Variants in SPAG9 observed in about 807,000 individuals in gnomAD.
SPAG9 encodes sperm associated antigen 9.
A neutral mutation model predicts 166.5 loss-of-function variants in SPAG9; 35 were observed. That is an observed-to-expected ratio of 0.21 (90% CI 0.16 to 0.28). SPAG9 has a LOEUF of 0.28. Ranked by LOEUF, SPAG9 falls within the 10% of genes least tolerant of loss-of-function variation. The pLI, the probability that SPAG9 is intolerant of heterozygous loss-of-function variation, is 1.00. For synonymous variants in SPAG9, 534 were observed against 565.5 expected (o/e 0.94, Z 0.79); for missense variants, 1,235 against 1,603.3 (o/e 0.77, Z 3.92).
chr17:51,085,117 G>C (rs1331728025), intron 1 of SPAG9, among the ~76,000 whole-genome samples: 6 of 151,950 alleles, frequency 3.9e-5, no homozygotes, highest in Non-Finnish European at 8.8e-5. Flanking sequence ...GGCCGAGCTG[G>C]GATTACAGGC....
At chr17:50,979,018 G>A (rs2143685263) in intron 26 of SPAG9, among the ~76,000 whole-genome samples, 1 of 152,216 alleles carries the variant, frequency 6.6e-6, no homozygotes, top group East Asian at 1.9e-4. Flanking sequence ...AGTTCCCAGT[G>A]ACAGATTAGA....
chr17:51,098,528 T>C (rs561328823), intron 1 of SPAG9, among the ~76,000 whole-genome samples: 9 of 152,210 alleles, frequency 5.9e-5, no homozygotes, highest in Middle Eastern at 3.4e-3. Context: ...GTTTCGCTCT[T>C]GTTGCCCAGG....
At chr17:50,974,742 G>A (rs1974095937) in intron 28 of SPAG9, 29 bp downstream of exon 28, 1 of 1,556,094 alleles carries the variant, frequency 6.4e-7, no homozygotes, top group South Asian at 1.2e-5. Context: ...CAATTACATG[G>A]AACATCTCAA....
chr17:51,039,271 C>G (rs1366246210), intron 5 of SPAG9, among the ~76,000 whole-genome samples: 1 of 152,170 alleles, frequency 6.6e-6, no homozygotes, highest in East Asian at 1.9e-4. Flanking sequence ...TAGTCCAATT[C>G]CTGTTATACA....
Position 51,120,346 on chromosome 17 carries a change from G to T in SPAG9, c.303+8C>A. The T allele has an allele frequency of 1.3e-6, 2 of 1,553,254 alleles. No individual in the cohort carries two copies. Among genetic ancestry groups the T allele is most frequent in the South Asian group, 1.2e-5 (1 of 86,514 alleles). The stretch of plus-strand genomic sequence containing the variant: ...ATCCCGCGGCCCCCGCCCTGCCGCC[G>T]GCCTCACCTCCTCAGCGTGCTTGCG... On this transcript the variant is annotated splice_region_variant and intron_variant, in intron 1 of 29. Coordinates refer to ENST00000262013, the MANE Select transcript of SPAG9 (RefSeq NM_001130528.3). The surrounding 1 kb of genome is among the most constrained non-coding windows in gnomAD (Gnocchi z 4.7).
intron 21 of SPAG9, among the ~76,000 whole-genome samples, chr17:50,988,163 C>G (rs1820916211): frequency 6.6e-6 from 1 of 152,066 alleles, no homozygotes; most frequent in African/African-American, 2.4e-5. Flanking sequence ...TTGCAGTGAG[C>G]TGAGATTGCA....
At chr17:51,024,358 C>T (rs1045141215) in intron 6 of SPAG9, among the ~76,000 whole-genome samples, 5 of 152,116 alleles carry the variant, frequency 3.3e-5, no homozygotes, top group African/African-American at 1.2e-4. Context: ...GTATATTGTA[C>T]ATATTAATTA....
intron 20 of SPAG9, 37 bp downstream of exon 20, chr17:50,990,413 A>T: frequency 7.0e-7 from 1 of 1,426,508 alleles, no homozygotes; most frequent in Non-Finnish European, 9.9e-7. Context: ...GTAGCCTTAG[A>T]CTCTATACAG....
intron 3 of SPAG9, among the ~76,000 whole-genome samples, chr17:51,052,517 G>A (rs997540847): frequency 1.3e-5 from 2 of 152,034 alleles, no homozygotes; most frequent in African/African-American, 4.8e-5. Flanking sequence ...GCTTTTGGGC[G>A]GCGTGGGAAA....
At chr17:51,099,514 CAA>C (rs1304789375) in intron 1 of SPAG9, among the ~76,000 whole-genome samples, 1 of 150,754 alleles carries the variant, frequency 6.6e-6, no homozygotes, top group Non-Finnish European at 1.5e-5. Context: ...TCTCAGCATG[CAA>C]AAAGTTTCAG....
chr17:50,978,332 G>A (rs973612205), intron 26 of SPAG9, among the ~76,000 whole-genome samples: 2 of 152,126 alleles, frequency 1.3e-5, no homozygotes, highest in Non-Finnish European at 2.9e-5. Flanking sequence ...GTTTGCATGT[G>A]TATATATTCT....
At position 51,096,151 on chromosome 17, in the gene SPAG9, G is replaced by A. The variant is rs531995246; in HGVS notation, c.304-16447C>T. Among the ~76,000 whole-genome samples the A allele has an allele frequency of 4.9e-3, 741 of 150,428 alleles. 7 individuals are homozygous for A. The highest frequency in any genetic ancestry group is 7.1e-3 in the Non-Finnish European group (478 of 67,688). On this transcript the variant is annotated intron_variant, in intron 1 of 29. Coordinates refer to ENST00000262013, the MANE Select transcript of SPAG9 (RefSeq NM_001130528.3). ...ATTTGAGGTTAGGAGTTCGAGACCGGCCTTGTCAACATGGTAAAACCCTGA... is the reference window on the plus strand; with the variant it reads ...ATTTGAGGTTAGGAGTTCGAGACCGACCTTGTCAACATGGTAAAACCCTGA...
chr17:51,009,027 T>C (rs1597979811), intron 9 of SPAG9: 1 of 365,726 alleles, frequency 2.7e-6, no homozygotes, highest in Non-Finnish European at 5.3e-6. Context: ...GGCAAAAAAA[T>C]AGTTGAGCAG....
rs535879037 is a variant in SPAG9, at chr17:50,977,061, A to G, written c.3523+47T>C. ...TGAATTTCAGACATAACTATTTCCT[A>G]TAATTCTCCTATTTGTTCCATGGCA... On this transcript the variant is annotated intron_variant, in intron 27 of 29. Transcript: ENST00000262013. The G allele has an allele frequency of 3.4e-6, 4 of 1,174,518 alleles. No homozygotes were observed. The African/African-American group carries it at 4.6e-5, about 13-fold the overall frequency. The allele number at this position is 1,174,518 out of a possible 1,614,324, so 72.8% of individuals were successfully genotyped here. A position where few individuals can be genotyped will look rare whatever the true frequency, so the allele number is the denominator to read the frequency against.
rs1228481716 is a variant in SPAG9, at chr17:50,990,667, A to G, written c.2400T>C (p.Gly800=). 6.2e-7 allele frequency: 1 copy of G among 1,613,050 alleles called. No individual in the cohort carries two copies. The highest frequency in any genetic ancestry group is 1.3e-5 in the African/African-American group (1 of 74,894). The change falls in exon 20 of 30, where the codon GGT becomes GGC. Residue 800 remains glycine, a splice_region_variant and synonymous_variant. Transcript: ENST00000262013. The stretch of plus-strand genomic sequence containing the variant: ...CTGCAGGGTAGTCTGTTTCTCGTGC[A>G]CCTGAAAAATAAATCTTCTTGTAAC... ...SHVLCIASVP[G]ARETDYPAGE... is the part of the protein sequence containing the mutation.
intron 2 of SPAG9, 84 bp downstream of exon 2, chr17:51,079,500 A>C (rs1438120968): frequency 4.3e-5 from 59 of 1,359,752 alleles, no homozygotes; most frequent in Non-Finnish European, 5.7e-5. Context: ...CGGCCTCCCA[A>C]AGTGCTGGGA....
At chr17:51,000,182 G>T (rs952907449) in intron 13 of SPAG9, among the ~76,000 whole-genome samples, 1 of 152,070 alleles carries the variant, frequency 6.6e-6, no homozygotes, top group Non-Finnish European at 1.5e-5. Flanking sequence ...TCCATCACTG[G>T]AAAGATGACC....
chr17:51,026,828 C>A (rs1333450976), intron 6 of SPAG9, among the ~76,000 whole-genome samples: 1 of 151,958 alleles, frequency 6.6e-6, no homozygotes, highest in African/African-American at 2.4e-5. Context: ...AGGCATGCGC[C>A]ACCATGCCCA....
intron 3 of SPAG9, among the ~76,000 whole-genome samples, chr17:51,052,554 G>A (rs773374772): frequency 2.0e-5 from 3 of 151,792 alleles, no homozygotes; most frequent in Non-Finnish European, 2.9e-5. Context: ...GACAGACCTA[G>A]CTCTCTGACT....
Sources: allele counts gnomAD v4.1 joint callset (sites outside exome capture counted in the v4.1 genomes callset), GRCh38; gene constraint gnomAD v4.1.1; non-coding constraint Gnocchi (gnomAD v3.1); transcripts MANE v1.5; gene names NCBI Gene and HGNC (gene_info 2026-07-23, HGNC 2026-07-21).